Variants in ZNF470 observed in about 807,000 individuals in gnomAD.
ZNF470 encodes the protein zinc finger protein 470.
Under a neutral mutation model 13.9 loss-of-function variants are expected in ZNF470, and 13 were observed. The observed-to-expected ratio is 0.94, with a 90% CI of 0.61 to 1.49. The LOEUF is 1.49. Among genes scored for constraint, ZNF470 ranks in the 40% most tolerant of loss-of-function variants. The probability of loss-of-function intolerance (pLI) is 0.00; values close to 1 mark genes in which losing one functional copy is unlikely to be tolerated. For synonymous variants in ZNF470, 293 were observed against 282.9 expected, an observed-to-expected ratio of 1.04 and a Z score of -0.36; for missense variants, 929 against 857.3, an observed-to-expected ratio of 1.08 and a Z score of -1.04.
At position 56,581,320 on chromosome 19, in the gene ZNF470, T is replaced by C; in HGVS notation, c.*2737T>C. ...ACTTTTTCCCCAAAAGACTGACTAA[T>C]CGAGTGATAACATTCAGTATTGGTG... On this transcript the variant is annotated 3_prime_UTR_variant, in exon 6 of 6. Coordinates refer to ENST00000330619, the MANE Select transcript of ZNF470 (RefSeq NM_001001668.4). 1 of 832,370 alleles carries C rather than the reference T, an allele frequency of 1.2e-6. No individual in the cohort carries two copies. The highest frequency in any genetic ancestry group is 1.4e-6 in the Non-Finnish European group (1 of 690,608). 51.6% of individuals were successfully genotyped at this position (832,370 alleles called of 1,614,324 possible).
In ZNF470 at chr19:56,580,191, CTGTG is replaced by C. The variant is rs1255661447; in HGVS notation, c.*1609_*1612del. 9 of 982,392 alleles carry C rather than the reference CTGTG, an allele frequency of 9.2e-6. No individual in the cohort carries two copies. The highest frequency in any genetic ancestry group is 8.8e-5 in the African/African-American group (5 of 56,908). The allele number at this position is 982,392 out of a possible 1,614,324, so 60.9% of individuals were successfully genotyped here. A position where few individuals can be genotyped will look rare whatever the true frequency, so the allele number is the denominator to read the frequency against. ...AGGATGAGGGAAGAACTAGAGGTAA[CTGTG>C]AGACACAAAAGGCATAATGAAAATA... On this transcript the variant is annotated 3_prime_UTR_variant, in exon 6 of 6. Transcript: ENST00000330619.
chr19:56,575,556 C>T (rs1047007396), intron 5 of ZNF470, among the ~76,000 whole-genome samples: 11 of 151,652 alleles, frequency 7.3e-5, no homozygotes, highest in Non-Finnish European at 1.0e-4. Context: ...GAAAATGAAC[C>T]TCAAATGAGA....
rs2044527064 is a variant in ZNF470 at position 56,580,463 on chromosome 19, A to G, written c.*1880A>G. ...AAGAGGGAGCCCCAAAGTTCCACTT[A>G]AAGTGTACAACTTATGGCTTTTAGT... On this transcript the variant is annotated 3_prime_UTR_variant, in exon 6 of 6. Transcript: ENST00000330619. 6.6e-6 allele frequency: 1 copy of G among 152,352 alleles called. No homozygotes were observed. The highest frequency in any genetic ancestry group is 2.1e-4 in the South Asian group (1 of 4,832). The allele number at this position is 152,352 out of a possible 1,614,324, so 9.4% of individuals were successfully genotyped here.
In ZNF470 at chr19:56,576,837, G is replaced by A. The variant is rs779673364; in HGVS notation, c.408G>A (p.Gly136=). 3.1e-5 allele frequency: 50 copies of A among 1,589,992 alleles called. No individual in the cohort carries two copies. In the South Asian group the frequency reaches 5.1e-4, roughly 16 times the overall value. ...ATGACCTTGAATGTTCAACATTAGG[G>A]AAAAACTGGAAATGTGAAGACTTGT... The part of the protein sequence containing the change: ...KSYDLECSTL[G]KNWKCEDLFE... The change falls in exon 6 of 6, where the codon GGG becomes GGA. Residue 136 remains glycine (G), a synonymous_variant. Coordinates refer to ENST00000330619, the MANE Select transcript of ZNF470 (RefSeq NM_001001668.4).
chr19:56,567,532 T>C lies in ZNF470; in HGVS notation c.-665T>C. On this transcript the variant is annotated 5_prime_UTR_variant, in exon 1 of 6. Transcript: ENST00000330619. ...CGCCGGTTGCTGAGGAGAAGGGAGG[T>C]CTGGGCGGGGCAGCGGCCGAGGCTG... is the stretch of plus-strand genomic sequence containing the variant. 1 of 985,890 alleles carries C rather than the reference T, an allele frequency of 1.0e-6. No individual in the cohort carries two copies. Among genetic ancestry groups the C allele is most frequent in the Non-Finnish European group, 1.2e-6 (1 of 830,420 alleles). 61.1% of individuals were successfully genotyped at this position (985,890 alleles called of 1,614,324 possible).
Position 56,581,933 on chromosome 19 carries a change from C to T in ZNF470, c.*3350C>T, listed in dbSNP as rs1474514649. The T allele has an allele frequency of 1.6e-5, 16 of 985,280 alleles. 1 individual carries two copies. The highest frequency in any genetic ancestry group is 1.9e-5 in the Non-Finnish European group (16 of 829,926). 61.0% of individuals were successfully genotyped at this position (985,280 alleles called of 1,614,324 possible). A position where few individuals can be genotyped will look rare whatever the true frequency, so the allele number is the denominator to read the frequency against. ...CCTTGGAACCACCCTGGTTTTTGTA[C>T]TTTCCAAGTCTGTGATTCCTCAAAC... On this transcript the variant is annotated 3_prime_UTR_variant, in exon 6 of 6. Coordinates refer to ENST00000330619, the MANE Select transcript of ZNF470 (RefSeq NM_001001668.4).
intron 2 of ZNF470, 95 bp from the exon 3 acceptor site, chr19:56,570,184 TG>T: frequency 3.7e-6 from 3 of 808,778 alleles, no homozygotes; most frequent in Non-Finnish European, 6.2e-6. Context: ...GAGTGAGGAC[TG>T]TGAGTGAGGA....
In ZNF470 at chr19:56,580,284, G is replaced by T; in HGVS notation, c.*1701G>T. 8.7e-6 allele frequency: 4 copies of T among 461,034 alleles called. No individual in the cohort carries two copies. The highest frequency in any genetic ancestry group is 1.1e-5 in the Non-Finnish European group (4 of 351,788). The allele number at this position is 461,034 out of a possible 1,614,324, so 28.6% of individuals were successfully genotyped here. ...TTGAGTGTTGGAGGAAGGGAGGATT[G>T]ATGGTTTAACAGAGATCATGGCAGT... On this transcript the variant is annotated 3_prime_UTR_variant, in exon 6 of 6. Coordinates refer to ENST00000330619, the MANE Select transcript of ZNF470 (RefSeq NM_001001668.4).
intron 3 of ZNF470, chr19:56,574,151 C>A: frequency 1.5e-6 from 1 of 657,738 alleles, no homozygotes; most frequent in Non-Finnish European, 2.5e-6. Flanking sequence ...TTCTCGCCAC[C>A]TAGAATTGCA....
intron 3 of ZNF470, among the ~76,000 whole-genome samples, chr19:56,571,307 A>C (rs2044450281): frequency 6.6e-6 from 1 of 152,186 alleles, no homozygotes; most frequent in Admixed American, 6.5e-5. Flanking sequence ...GTGTTGCAGT[A>C]ATTATTCTTG....
In ZNF470 at chr19:56,567,960, T is replaced by G; in HGVS notation, c.-237T>G. 1.0e-6 allele frequency: 1 copy of G among 985,624 alleles called. No homozygotes were observed. The highest frequency in any genetic ancestry group is 1.2e-6 in the Non-Finnish European group (1 of 830,146). The allele number at this position is 985,624 out of a possible 1,614,324, so 61.1% of individuals were successfully genotyped here. A position where few individuals can be genotyped will look rare whatever the true frequency, so the allele number is the denominator to read the frequency against. On this transcript the variant is annotated 5_prime_UTR_variant, in exon 1 of 6. Transcript: ENST00000330619. ...TGAAGCATTTCCTGTCAGCCCTATCTGGAAGGGGCAGAGCCCAGGACAGGG... is the reference window on the plus strand; with the variant it reads ...TGAAGCATTTCCTGTCAGCCCTATCGGGAAGGGGCAGAGCCCAGGACAGGG...
chr19:56,569,768 T>A (rs180871560), intron 2 of ZNF470, among the ~76,000 whole-genome samples: 2 of 152,026 alleles, frequency 1.3e-5, no homozygotes, highest in Admixed American at 6.5e-5. Context: ...GGTTGACACC[T>A]CCTGGCCTCA....
chr19:56,576,751 A>G lies in ZNF470; in HGVS notation c.322A>G (p.Asn108Asp). 2 of 1,507,166 alleles carry G rather than the reference A, an allele frequency of 1.3e-6. No homozygotes were observed. The highest frequency in any genetic ancestry group is 1.8e-6 in the Non-Finnish European group (2 of 1,132,380). The allele number at this position is 1,507,166 out of a possible 1,614,324, so 93.4% of individuals were successfully genotyped here. A position where few individuals can be genotyped will look rare whatever the true frequency, so the allele number is the denominator to read the frequency against. The change falls in exon 6 of 6, where the codon AAC becomes GAC. Residue 108 changes from asparagine to aspartate, a missense_variant. Asn to Asp is a conservative substitution (Grantham distance 23). Coordinates refer to ENST00000330619, the MANE Select transcript of ZNF470 (RefSeq NM_001001668.4). ...CVWVTKSLSL[N>D]QDIYEEKLPP... ...GTGGGTGACCAAATCATTATCTTTAAACCAGGATATTTATGAAGAAAAATT... is the reference window on the plus strand; with the variant it reads ...GTGGGTGACCAAATCATTATCTTTAGACCAGGATATTTATGAAGAAAAATT...
intron 3 of ZNF470, among the ~76,000 whole-genome samples, chr19:56,573,241 T>C (rs547534106): frequency 2.0e-5 from 3 of 152,338 alleles, no homozygotes; most frequent in East Asian, 1.9e-4. Context: ...ATCCTTATCA[T>C]AGGCAACAAT....
chr19:56,577,624 T>G lies in ZNF470; in HGVS notation c.1195T>G (p.Cys399Gly). 6.2e-7 allele frequency: 1 copy of G among 1,614,048 alleles called. No individual in the cohort carries two copies. Among genetic ancestry groups the G allele is most frequent in the South Asian group, 1.1e-5 (1 of 91,080 alleles). Residue 399 changes from cysteine to glycine, a missense_variant, in exon 6 of 6, where the codon TGT becomes GGT. Physicochemically the swap from Cys to Gly is radical, Grantham distance 159. Coordinates refer to ENST00000330619, the MANE Select transcript of ZNF470 (RefSeq NM_001001668.4). ...YYHTGEKPFD[C>G]IDCGKAFTDH... The stretch of plus-strand genomic sequence containing the variant: ...TCATACTGGAGAGAAACCCTTTGAC[T>G]GTATTGATTGTGGGAAGGCTTTCAC...
Position 56,568,049 on chromosome 19 carries a change from CAG to C in ZNF470, c.-159+13_-159+14del, listed in dbSNP as rs1451490704. 5 of 985,694 alleles carry C rather than the reference CAG, an allele frequency of 5.1e-6. No individual in the cohort carries two copies. In the African/African-American group the frequency reaches 7.0e-5, roughly 14 times the overall value. The allele number at this position is 985,694 out of a possible 1,614,324, so 61.1% of individuals were successfully genotyped here. On this transcript the variant is annotated intron_variant, in intron 1 of 5. Transcript: ENST00000330619. ...GGACTGAGTACACAGGTAAGAGTGACAGATGACGGATGTGGCTGCCGGAGTGG... is the reference window on the plus strand; with the variant it reads ...GGACTGAGTACACAGGTAAGAGTGACATGACGGATGTGGCTGCCGGAGTGG...
At position 56,581,725 on chromosome 19, in the gene ZNF470, C is replaced by T. The variant is rs942937893; in HGVS notation, c.*3142C>T. The stretch of plus-strand genomic sequence containing the variant: ...GCATTTGTTTTTCTCTGCCCAGTTT[C>T]CCTTGCCTCCTCCTTTTGGCTGCAC... On this transcript the variant is annotated 3_prime_UTR_variant, in exon 6 of 6. Coordinates refer to ENST00000330619, the MANE Select transcript of ZNF470 (RefSeq NM_001001668.4). 29 of 985,286 alleles carry T rather than the reference C, an allele frequency of 2.9e-5. No homozygotes were observed. The highest frequency in any genetic ancestry group is 7.0e-5 in the African/African-American group (4 of 57,218). The allele number at this position is 985,286 out of a possible 1,614,324, so 61.0% of individuals were successfully genotyped here. A position where few individuals can be genotyped will look rare whatever the true frequency, so the allele number is the denominator to read the frequency against.
intron 5 of ZNF470, among the ~76,000 whole-genome samples, chr19:56,576,005 T>C (rs953917690): frequency 6.6e-6 from 1 of 152,060 alleles, no homozygotes; most frequent in Non-Finnish European, 1.5e-5. Context: ...AAATAAAGTA[T>C]TGTACATACT....
At position 56,580,818 on chromosome 19, in the gene ZNF470, A is replaced by G. The variant is rs968036719; in HGVS notation, c.*2235A>G. The G allele has an allele frequency of 2.0e-6, 2 of 983,660 alleles. No individual in the cohort carries two copies. The highest frequency in any genetic ancestry group is 2.4e-6 in the Non-Finnish European group (2 of 828,518). The allele number at this position is 983,660 out of a possible 1,614,324, so 60.9% of individuals were successfully genotyped here. ...AATGTGGAGCTTTCAGACTCTCCTT[A>G]TATATGATAAAAAGGATTTTTCATT... is the stretch of plus-strand genomic sequence containing the variant. On this transcript the variant is annotated 3_prime_UTR_variant, in exon 6 of 6. Transcript: ENST00000330619.
Sources: allele counts gnomAD v4.1 joint callset (sites outside exome capture counted in the v4.1 genomes callset), GRCh38; gene constraint gnomAD v4.1.1; transcripts MANE v1.5; gene names NCBI Gene and HGNC (gene_info 2026-07-23, HGNC 2026-07-21).